PPP1R21: variants seen among roughly 807,000 people sequenced by gnomAD.
The protein encoded by PPP1R21 is KLRAQ motif containing 1.
In PPP1R21, 85 loss-of-function variants were observed where a neutral mutation model predicts 112.8. That is an observed-to-expected ratio of 0.75 (90% CI 0.63 to 0.90). PPP1R21 has a LOEUF of 0.90. Ranked by LOEUF, PPP1R21 falls within the 40% of genes least tolerant of loss-of-function variation. The pLI, the probability that PPP1R21 is intolerant of heterozygous loss-of-function variation, is 0.00. For synonymous variants in PPP1R21, 381 were observed against 322.3 expected, an observed-to-expected ratio of 1.18 and a Z score of -1.95; for missense variants, 1,199 against 901.5, an observed-to-expected ratio of 1.33 and a Z score of -4.23.
intron 9 of PPP1R21, among the ~76,000 whole-genome samples, 156 bp from the exon 10 acceptor site, chr2:48,470,931 A>T (rs1484306887): frequency 6.6e-6 from 1 of 152,200 alleles, no homozygotes; most frequent in Non-Finnish European, 1.5e-5. Flanking sequence ...AATTTCCAAT[A>T]AAAGTTTCCA....
rs747109505 is a variant in PPP1R21, at chr2:48,474,719, T to C, written c.1125T>C (p.Ser375=). 9.3e-6 allele frequency: 15 copies of C among 1,612,542 alleles called. No individual in the cohort carries two copies. The highest frequency in any genetic ancestry group is 1.3e-5 in the Non-Finnish European group (15 of 1,179,328). Reference sequence around the variant, plus strand: ...AATGTGAATCCTCTCTTTGCACATCTGCGTTAAGAGCCAGGAATCTAGAGC... The same window carrying C: ...AATGTGAATCCTCTCTTTGCACATCCGCGTTAAGAGCCAGGAATCTAGAGC... ...EEECESSLCT[S]ALRARNLELS... The change falls in exon 12 of 22, where the codon TCT becomes TCC. Residue 375 remains serine (S), a synonymous_variant. Transcript: ENST00000294952.
At position 48,440,867 on chromosome 2, in the gene PPP1R21, C is replaced by G. The variant is rs2103710194; in HGVS notation, c.-87C>G. 1 of 977,202 alleles carries G rather than the reference C, an allele frequency of 1.0e-6. No individual in the cohort carries two copies. The highest frequency in any genetic ancestry group is 1.6e-6 in the Non-Finnish European group (1 of 637,686). 60.5% of individuals were successfully genotyped at this position (977,202 alleles called of 1,614,324 possible). On this transcript the variant is annotated 5_prime_UTR_variant, in exon 1 of 22. Coordinates refer to ENST00000294952, the MANE Select transcript of PPP1R21 (RefSeq NM_001135629.3). ...GGCCAAGCAGGCAGATACTGCCTGA[C>G]CCGTTCCCGGGAGCGTGTCTGGGTT... is the stretch of plus-strand genomic sequence containing the variant.
chr2:48,486,682 C>G lies in PPP1R21; in HGVS notation c.1370C>G (p.Thr457Arg), dbSNP rs1287025120. The change falls in exon 14 of 22, where the codon ACA becomes AGA. Residue 457 changes from threonine (T) to arginine (R), a missense_variant. Transcript: ENST00000294952. ...GCTGCAATAGAGCATGAACTTCCAA[C>G]AGCAACACAGAAGCTGATAACAACT... is the stretch of plus-strand genomic sequence containing the variant. ...QKAAIEHELP[T>R]ATQKLITTND... The G allele has an allele frequency of 1.4e-5, 23 of 1,613,514 alleles. No homozygotes were observed. The highest frequency in any genetic ancestry group is 1.9e-5 in the Non-Finnish European group (23 of 1,179,602).
intron 13 of PPP1R21, among the ~76,000 whole-genome samples, chr2:48,485,883 ATATACTAACTAATATATACAAT>A (rs1669263940): frequency 2.1e-3 from 4 of 1,910 alleles, no homozygotes; most frequent in East Asian, 6.6e-3. Flanking sequence ...ATACAATTGT[ATATACTAACTAATATATACAAT>A]TGTATATACT....
chr2:48,506,517 T>G (rs1486919605), intron 18 of PPP1R21, among the ~76,000 whole-genome samples: 1 of 152,260 alleles, frequency 6.6e-6, no homozygotes, highest in African/African-American at 2.4e-5. Context: ...TATTTATTCT[T>G]GTAATATAGA....
Position 48,474,716 on chromosome 2 carries a change from A to G in PPP1R21, c.1122A>G (p.Thr374=), listed in dbSNP as rs756157455. 2 of 1,612,452 alleles carry G rather than the reference A, an allele frequency of 1.2e-6. No homozygotes were observed. Among genetic ancestry groups the G allele is most frequent in the African/African-American group, 2.7e-5 (2 of 74,842 alleles). The change falls in exon 12 of 22, where the codon ACA becomes ACG. Residue 374 remains threonine (T), a synonymous_variant. Coordinates refer to ENST00000294952, the MANE Select transcript of PPP1R21 (RefSeq NM_001135629.3). ...AAGAATGTGAATCCTCTCTTTGCAC[A>G]TCTGCGTTAAGAGCCAGGAATCTAG... is the stretch of plus-strand genomic sequence containing the variant. ...LEEECESSLC[T]SALRARNLEL...
chr2:48,452,854 T>C (rs1667539483), intron 2 of PPP1R21, among the ~76,000 whole-genome samples: 1 of 152,124 alleles, frequency 6.6e-6, no homozygotes, highest in African/African-American at 2.4e-5. Context: ...ATTTTCTCCT[T>C]AATGGGAGCA....
intron 12 of PPP1R21, chr2:48,479,596 G>A (rs766743576): frequency 2.1e-5 from 11 of 523,112 alleles, no homozygotes; most frequent in South Asian, 1.1e-4. Flanking sequence ...TAATGTGTAG[G>A]GAATGAAAAA....
In PPP1R21 at chr2:48,474,745, T is replaced by C; in HGVS notation, c.1151T>C (p.Leu384Pro). 2 of 1,613,538 alleles carry C rather than the reference T, an allele frequency of 1.2e-6. No homozygotes were observed. The highest frequency in any genetic ancestry group is 1.7e-6 in the Non-Finnish European group (2 of 1,179,658). The stretch of plus-strand genomic sequence containing the variant: ...GCGTTAAGAGCCAGGAATCTAGAGC[T>C]GTCCCAGGACATGAAAAAAATGACA... ...TSALRARNLE[L>P]SQDMKKMTAV... Residue 384 changes from leucine to proline, a missense_variant, in exon 12 of 22, where the codon CTG becomes CCG. Transcript: ENST00000294952.
chr2:48,477,116 A>ATTTTTTT (rs779139882), intron 12 of PPP1R21, among the ~76,000 whole-genome samples: 1 of 114,768 alleles, frequency 8.7e-6, no homozygotes, highest in Non-Finnish European at 1.8e-5. Context: ...TTTTGAATTA[A>ATTTTTTT]TTTTTTTTTT....
chr2:48,459,352 T>A lies in PPP1R21; in HGVS notation c.376-402T>A, dbSNP rs138765976. Among the ~76,000 whole-genome samples the A allele has an allele frequency of 2.6e-4, 40 of 152,344 alleles. No homozygotes were observed. In the East Asian group the frequency reaches 5.4e-3, roughly 21 times the overall value. ...ACACCTGTTTTAATTTTGATTATTT[T>A]ATGTGAAAGTTAGCTTAGTAGAAAA... is the stretch of plus-strand genomic sequence containing the variant. On this transcript the variant is annotated intron_variant, in intron 4 of 21. Transcript: ENST00000294952.
At chr2:48,498,805 A>G in intron 17 of PPP1R21, 70 bp downstream of exon 17, 2 of 1,478,488 alleles carry the variant, frequency 1.4e-6, no homozygotes, top group Non-Finnish European at 1.9e-6. Context: ...AATGTTCAAC[A>G]TTAACCATTG....
intron 9 of PPP1R21, 70 bp downstream of exon 9, chr2:48,465,712 T>A (rs1558449176): frequency 7.0e-7 from 1 of 1,419,564 alleles, no homozygotes. Context: ...TTTTTAGACC[T>A]CTTCTGTGCA....
chr2:48,475,730 C>G (rs1344934001), intron 12 of PPP1R21, among the ~76,000 whole-genome samples: 4 of 152,000 alleles, frequency 2.6e-5, no homozygotes, highest in Non-Finnish European at 5.9e-5. Flanking sequence ...GCCTGTAATC[C>G]CAGCTACTCG....
intron 3 of PPP1R21, among the ~76,000 whole-genome samples, chr2:48,456,943 T>C (rs1231445522): frequency 6.6e-6 from 1 of 151,968 alleles, no homozygotes; most frequent in South Asian, 2.1e-4. Context: ...TCCCAGCTAC[T>C]TGGGAGGCTG....
chr2:48,471,964 G>T (rs1668527864), intron 11 of PPP1R21, among the ~76,000 whole-genome samples: 1 of 152,032 alleles, frequency 6.6e-6, no homozygotes, highest in Non-Finnish European at 1.5e-5. Flanking sequence ...TCAAGGCCGG[G>T]CGCAGTGGCT....
At chr2:48,488,180 G>T (rs1351250057) in intron 14 of PPP1R21, among the ~76,000 whole-genome samples, 1 of 151,942 alleles carries the variant, frequency 6.6e-6, no homozygotes, top group Non-Finnish European at 1.5e-5. Flanking sequence ...TTATCTTTAG[G>T]TTCTGTCAGC....
intron 12 of PPP1R21, among the ~76,000 whole-genome samples, chr2:48,477,331 G>C (rs1668803946): frequency 6.6e-6 from 1 of 151,994 alleles, no homozygotes; most frequent in Non-Finnish European, 1.5e-5. Flanking sequence ...ATGTTGGCCA[G>C]GCTGGTCTCG....
chr2:48,490,668 G>A (rs4430989), intron 14 of PPP1R21, among the ~76,000 whole-genome samples: 145,524 of 152,308 alleles, frequency 0.96, 69,799 homozygotes, highest in Middle Eastern at 0.99. Flanking sequence ...CTAGAAATCC[G>A]AACATGGATA....
Sources: allele counts gnomAD v4.1 joint callset (sites outside exome capture counted in the v4.1 genomes callset), GRCh38; gene constraint gnomAD v4.1.1; transcripts MANE v1.5; gene names NCBI Gene and HGNC (gene_info 2026-07-23, HGNC 2026-07-21).